Variants in AGR3 observed in about 807,000 individuals in gnomAD.
AGR3 encodes anterior gradient protein 3.
In AGR3, 37 loss-of-function variants were observed where a neutral mutation model predicts 24.5. The ratio of observed to expected loss-of-function variants is 1.51; its 90% CI spans 1.16 to 1.99. The LOEUF (loss-of-function observed/expected upper bound fraction) is 1.99. Ranked by LOEUF, AGR3 falls within the 30% of genes most tolerant of loss-of-function variation. The pLI is 0.00. For synonymous variants in AGR3, 75 were observed against 61.6 expected (o/e 1.22, Z -1.02); for missense variants, 228 against 191.1 (o/e 1.19, Z -1.14).
chr7:16,869,364 T>C (rs1781821457), intron 3 of AGR3, among the ~76,000 whole-genome samples: 1 of 152,182 alleles, frequency 6.6e-6, no homozygotes, highest in Non-Finnish European at 1.5e-5. Flanking sequence ...CTTTGTTTTG[T>C]TTTGTTTTGT....
rs773645353 is a variant in AGR3 at position 16,862,108 on chromosome 7, C to T, written c.227-48G>A. On this transcript the variant is annotated intron_variant, in intron 4 of 7. Transcript: ENST00000310398. ...CAGTTAGTTTTAAGGATCAAGAGAC[C>T]TTTAATGTAACATAGCAAAATAAAG... 4 of 1,379,054 alleles carry T rather than the reference C, an allele frequency of 2.9e-6. No individual in the cohort carries two copies. The African/African-American group carries it at 4.3e-5, about 15-fold the overall frequency. The allele number at this position is 1,379,054 out of a possible 1,614,324, so 85.4% of individuals were successfully genotyped here.
chr7:16,880,007 C>T (rs965172566), intron 1 of AGR3, among the ~76,000 whole-genome samples: 1 of 150,720 alleles, frequency 6.6e-6, no homozygotes, highest in Non-Finnish European at 1.5e-5. Context: ...CCAGGTTAAC[C>T]TTACTTTATT....
At chr7:16,877,713 A>G (rs1782014458) in intron 2 of AGR3, among the ~76,000 whole-genome samples, 1 of 151,966 alleles carries the variant, frequency 6.6e-6, no homozygotes, top group South Asian at 2.1e-4. Flanking sequence ...ACTACAAAAA[A>G]TTAGCCGGGC....
chr7:16,855,718 G>A (rs932001614), downstream of AGR3, among the ~76,000 whole-genome samples: 1 of 152,172 alleles, frequency 6.6e-6, no homozygotes, highest in Non-Finnish European at 1.5e-5. Context: ...GGAGGTTCAT[G>A]AATATACATA....
chr7:16,875,191 C>A (rs1781962806), intron 2 of AGR3, among the ~76,000 whole-genome samples: 1 of 151,976 alleles, frequency 6.6e-6, no homozygotes, highest in Non-Finnish European at 1.5e-5. Flanking sequence ...ACCATCATCA[C>A]ATCAATTTTA....
chr7:16,866,922 T>C (rs747627361), intron 3 of AGR3, among the ~76,000 whole-genome samples: 21 of 152,144 alleles, frequency 1.4e-4, no homozygotes, highest in Non-Finnish European at 2.5e-4. Context: ...TAATTGAAAA[T>C]ATTAGTAATT....
intron 3 of AGR3, among the ~76,000 whole-genome samples, chr7:16,867,011 G>A (rs1781771063): frequency 6.6e-6 from 1 of 152,042 alleles, no homozygotes; most frequent in Admixed American, 6.6e-5. Context: ...ACTAGCATGA[G>A]GCCAGGGGAG....
intron 7 of AGR3, among the ~76,000 whole-genome samples, chr7:16,860,157 A>G (rs1199164473): frequency 1.3e-5 from 2 of 152,188 alleles, no homozygotes. Context: ...TAGGCATTAA[A>G]GAAAGATGAA....
intron 2 of AGR3, among the ~76,000 whole-genome samples, chr7:16,874,332 C>T (rs549619580): frequency 6.6e-6 from 1 of 152,056 alleles, no homozygotes; most frequent in African/African-American, 2.4e-5. Flanking sequence ...TGAATTCTGA[C>T]ATGGAAAAAA....
At chr7:16,877,532 C>T (rs997614815) in intron 2 of AGR3, among the ~76,000 whole-genome samples, 1 of 151,626 alleles carries the variant, frequency 6.6e-6, no homozygotes, top group Non-Finnish European at 1.5e-5. Flanking sequence ...AATTCTGTTC[C>T]TACTTCTGTT....
rs928106972 is a variant in AGR3 at position 16,861,995 on chromosome 7, G to T, written c.292C>A (p.Leu98Ile). 1.2e-6 allele frequency: 2 copies of T among 1,611,164 alleles called. No individual in the cohort carries two copies. The change falls in exon 5 of 8, where the codon CTA becomes ATA. Residue 98 changes from leucine to isoleucine, a missense_variant. Physicochemically the swap from Leu to Ile is conservative, Grantham distance 5. Coordinates refer to ENST00000310398, the MANE Select transcript of AGR3 (RefSeq NM_176813.5). The stretch of plus-strand genomic sequence containing the variant: ...CAAAGTTTATGTACCATAAGGTTTA[G>T]CATGATGAACTTATTCTGAGCCATT... ...QEMAQNKFIM[L>I]NLMHETTDKN...
At chr7:16,859,336 C>A, downstream of AGR3, 2 of 385,832 alleles carry the variant, frequency 5.2e-6, no homozygotes, top group Non-Finnish European at 9.3e-6. Context: ...TTATTTAGGT[C>A]TTCTTGTCTC....
chr7:16,862,701 C>T (rs764001614), intron 3 of AGR3, 39 bp from the exon 4 acceptor site: 3 of 1,424,918 alleles, frequency 2.1e-6, no homozygotes, highest in Admixed American at 2.3e-5. Context: ...AAATGATTAA[C>T]TTTGGGTCAA....
downstream of AGR3, among the ~76,000 whole-genome samples, chr7:16,855,157 G>T (rs12668849): frequency 0.054 from 8,176 of 152,110 alleles, 553 homozygotes; most frequent in East Asian, 0.17. Context: ...CTAGCTATTT[G>T]AAACTGTATA....
intron 4 of AGR3, 122 bp from the exon 5 acceptor site, chr7:16,862,182 T>G: frequency 1.4e-6 from 1 of 736,658 alleles, no homozygotes. Context: ...TAAATATTAA[T>G]AGTTCATTGG....
chr7:16,855,916 A>G (rs914458407), downstream of AGR3, among the ~76,000 whole-genome samples: 2 of 152,174 alleles, frequency 1.3e-5, no homozygotes, highest in African/African-American at 4.8e-5. Context: ...GATTATACCA[A>G]TGAACAATAA....
rs564763299 is a variant in AGR3 at position 16,863,027 on chromosome 7, G to A, written c.174-365C>T. Among the ~76,000 whole-genome samples the A allele has an allele frequency of 1.1e-4, 16 of 152,254 alleles. No homozygotes were observed. In the South Asian group the frequency reaches 2.7e-3, roughly 26 times the overall value. On this transcript the variant is annotated intron_variant, in intron 3 of 7. Transcript: ENST00000310398. ...TGAGGTTGCGGTGAGCCGAGATGGC[G>A]CCACTGCACTCCAGCCTGGGTGACA...
chr7:16,858,475 A>C (rs1781583755), downstream of AGR3, among the ~76,000 whole-genome samples: 1 of 152,222 alleles, frequency 6.6e-6, no homozygotes, highest in Non-Finnish European at 1.5e-5. Flanking sequence ...GAATAAATAT[A>C]ATCCTTTCCT....
At chr7:16,874,933 A>G (rs1781955092) in intron 2 of AGR3, among the ~76,000 whole-genome samples, 2 of 151,926 alleles carry the variant, frequency 1.3e-5, no homozygotes, top group Admixed American at 1.3e-4. Context: ...CCTGGTCAAT[A>G]CAGTGTAATC....
Sources: gnomAD v4.1 joint callset for allele counts (sites outside exome capture counted in the v4.1 genomes callset) on GRCh38, gnomAD v4.1.1 for gene constraint, MANE v1.5 for transcripts, NCBI Gene and HGNC (gene_info 2026-07-23, HGNC 2026-07-21) for gene names.